The following AKAP19 variants were observed in gnomAD, a reference collection of about 807,000 sequenced individuals.
AKAP19 encodes small A-kinase anchoring protein.
the AKAP19 span, among the ~76,000 whole-genome samples, chr2:189,978,241 C>G: frequency 2.6e-5 from 4 of 152,180 alleles, no homozygotes; most frequent in Non-Finnish European, 4.4e-5. Flanking sequence ...TTTACCCCAT[C>G]TCTTCTTCCC....
the AKAP19 span, among the ~76,000 whole-genome samples, chr2:190,147,634 G>A: frequency 6.6e-6 from 1 of 150,754 alleles, no homozygotes; most frequent in Non-Finnish European, 1.5e-5. Flanking sequence ...TCATGAGCAT[G>A]GGATGTGTTT....
the AKAP19 span, chr2:190,200,065 A>ATCTTGTGTGATGC: frequency 2.5e-6 from 4 of 1,614,104 alleles, no homozygotes; most frequent in South Asian, 4.4e-5. Context: ...GTCTCAGGAT[A>ATCTTGTGTGATGC]TCTTGTGTGA....
At chr2:190,182,935 T>A in the AKAP19 span, among the ~76,000 whole-genome samples, 4 of 152,268 alleles carry the variant, frequency 2.6e-5, no homozygotes, top group Admixed American at 2.6e-4. Flanking sequence ...TTGCAGTTTG[T>A]TAGATAGACG....
chr2:190,071,089 T>A, the AKAP19 span, among the ~76,000 whole-genome samples: 3 of 152,168 alleles, frequency 2.0e-5, no homozygotes, highest in African/African-American at 7.2e-5. Flanking sequence ...AGTGTGTGTG[T>A]TTGTGTCTTA....
the AKAP19 span, among the ~76,000 whole-genome samples, chr2:189,948,898 C>CT: frequency 6.7e-5 from 10 of 148,594 alleles, no homozygotes; most frequent in African/African-American, 1.2e-4. Flanking sequence ...GGTATTTAAA[C>CT]TTTTTTTTTT....
the AKAP19 span, among the ~76,000 whole-genome samples, chr2:189,942,764 A>G: frequency 6.6e-6 from 1 of 152,236 alleles, no homozygotes; most frequent in Non-Finnish European, 1.5e-5. Context: ...TGCCTTAGCA[A>G]AGAGCTTGAC....
chr2:190,130,036 T>C, the AKAP19 span, among the ~76,000 whole-genome samples: 1 of 152,182 alleles, frequency 6.6e-6, no homozygotes, highest in Non-Finnish European at 1.5e-5. Flanking sequence ...TGTAGTATGT[T>C]ACAACAGGAA....
chr2:190,061,007 T>A, the AKAP19 span, among the ~76,000 whole-genome samples: 1 of 152,012 alleles, frequency 6.6e-6, no homozygotes, highest in Non-Finnish European at 1.5e-5. Context: ...AACACAAAAA[T>A]TTTGATGTTA....
the AKAP19 span, chr2:190,203,139 G>A: frequency 6.0e-6 from 1 of 166,966 alleles, no homozygotes; most frequent in Non-Finnish European, 1.5e-5. Context: ...TATCAAATGG[G>A]GAAACTATAC....
chr2:190,069,064 A>G, the AKAP19 span, among the ~76,000 whole-genome samples: 1 of 151,514 alleles, frequency 6.6e-6, no homozygotes, highest in East Asian at 1.9e-4. Context: ...GGTTCATATT[A>G]AGTTTAATGA....
the AKAP19 span, chr2:190,200,061 G>GA: frequency 1.7e-5 from 27 of 1,613,956 alleles, no homozygotes; most frequent in Non-Finnish European, 2.1e-5. Flanking sequence ...GCCTGTCTCA[G>GA]GATATCTTGT....
At chr2:190,070,614 T>C in the AKAP19 span, among the ~76,000 whole-genome samples, 71 of 119,084 alleles carry the variant, frequency 6.0e-4, no homozygotes, top group African/African-American at 1.1e-3. Context: ...TCCCTCTCTC[T>C]CCCCCCCCCC....
the AKAP19 span, among the ~76,000 whole-genome samples, chr2:189,920,148 C>T: frequency 6.6e-6 from 1 of 152,232 alleles, no homozygotes; most frequent in Non-Finnish European, 1.5e-5. Context: ...TAACACCCCA[C>T]TTCCAGTATT....
At chr2:189,990,171 T>C in the AKAP19 span, among the ~76,000 whole-genome samples, 1 of 152,202 alleles carries the variant, frequency 6.6e-6, no homozygotes, top group East Asian at 1.9e-4. Context: ...AAAATGTTGA[T>C]AGAAATACTA....
chr2:190,116,505 C>A, the AKAP19 span, among the ~76,000 whole-genome samples: 9 of 152,158 alleles, frequency 5.9e-5, no homozygotes, highest in Admixed American at 5.9e-4. Context: ...CCAACACATG[C>A]CTTTTGGGGG....
the AKAP19 span, among the ~76,000 whole-genome samples, chr2:190,070,614 T>TCCCCCC: frequency 3.4e-5 from 4 of 119,060 alleles, no homozygotes; most frequent in African/African-American, 1.2e-4. Flanking sequence ...TCCCTCTCTC[T>TCCCCCC]CCCCCCCCCC....
At chr2:190,203,005 A>T in the AKAP19 span, 1 of 166,270 alleles carries the variant, frequency 6.0e-6, no homozygotes, top group Non-Finnish European at 1.5e-5. Context: ...TGAAGGGGAA[A>T]AAAATGATAA....
the AKAP19 span, among the ~76,000 whole-genome samples, chr2:189,980,586 C>T: frequency 6.6e-6 from 1 of 152,328 alleles, no homozygotes; most frequent in East Asian, 1.9e-4. Flanking sequence ...CTGCCCGCCT[C>T]AGCCTCCTAA....
chr2:189,982,060 A>G, the AKAP19 span, among the ~76,000 whole-genome samples: 1 of 152,136 alleles, frequency 6.6e-6, no homozygotes, highest in Non-Finnish European at 1.5e-5. Context: ...TCTACCCAAG[A>G]TTAGGGAAAT....
Sources: gnomAD v4.1 joint callset for allele counts (sites outside exome capture counted in the v4.1 genomes callset) on GRCh38, gnomAD v4.1.1 for gene constraint, MANE v1.5 for transcripts, NCBI Gene and HGNC (gene_info 2026-07-23, HGNC 2026-07-21) for gene names.